Variants in PLEKHA7 observed in about 807,000 individuals in gnomAD.
The protein encoded by PLEKHA7 is pleckstrin homology domain containing A7, also known as pleckstrin homology domain-containing family A member 7.
PLEKHA7 carries 104 observed loss-of-function variants against 170.0 expected under a neutral mutation model. The ratio of observed to expected loss-of-function variants is 0.61; its 90% CI spans 0.52 to 0.72. PLEKHA7 has a LOEUF of 0.72. Ranked by LOEUF, PLEKHA7 falls within the 30% of genes least tolerant of loss-of-function variation. PLEKHA7 has a pLI of 0.00. For synonymous variants in PLEKHA7, 648 were observed against 660.8 expected, an observed-to-expected ratio of 0.98 and a Z score of 0.30; for missense variants, 1,615 against 1,671.7, an observed-to-expected ratio of 0.97 and a Z score of 0.59.
intron 3 of PLEKHA7, among the ~76,000 whole-genome samples, chr11:16,922,649 C>T (rs534588325): frequency 4.6e-5 from 7 of 152,254 alleles, no homozygotes; most frequent in South Asian, 4.1e-4. Context: ...TTTCTCCTCC[C>T]GATCTTGCCT....
chr11:16,871,831 G>C (rs999636929), intron 3 of PLEKHA7, among the ~76,000 whole-genome samples: 46 of 152,292 alleles, frequency 3.0e-4, no homozygotes, highest in African/African-American at 1.1e-3. Flanking sequence ...ATCAACAAAG[G>C]CTGCTTGGTT....
At chr11:16,973,647 C>G (rs985542912) in intron 3 of PLEKHA7, among the ~76,000 whole-genome samples, 1 of 152,116 alleles carries the variant, frequency 6.6e-6, no homozygotes, top group Non-Finnish European at 1.5e-5. Context: ...GCAGGTGAGG[C>G]CTGGGGATCA....
intron 3 of PLEKHA7, among the ~76,000 whole-genome samples, chr11:16,923,788 G>A (rs1271440273): frequency 1.3e-5 from 2 of 151,916 alleles, no homozygotes; most frequent in Admixed American, 6.6e-5. Flanking sequence ...AAACTCAGCC[G>A]CCTCTTGCAC....
chr11:16,976,652 CCCT>C (rs1363340785), intron 3 of PLEKHA7, among the ~76,000 whole-genome samples: 3 of 152,228 alleles, frequency 2.0e-5, no homozygotes, highest in Non-Finnish European at 4.4e-5. Flanking sequence ...CTGTCCCAGA[CCCT>C]CCTCTGTAAG....
At chr11:16,782,381 C>T (rs911766726) in intron 26 of PLEKHA7, among the ~76,000 whole-genome samples, 1 of 152,202 alleles carries the variant, frequency 6.6e-6, no homozygotes, top group Admixed American at 6.5e-5. Flanking sequence ...CAACCACTTT[C>T]CTGCCCCCTT....
At chr11:16,892,434 GTTT>G (rs138538328) in intron 3 of PLEKHA7, among the ~76,000 whole-genome samples, 3,491 of 108,844 alleles carry the variant, frequency 0.032, 109 homozygotes, top group African/African-American at 0.12. Context: ...GTGTGTGTGT[GTTT>G]TGTTTTGTTT....
intron 16 of PLEKHA7, 33 bp from the exon 17 acceptor site, chr11:16,801,108 T>C (rs763599705): frequency 9.5e-6 from 15 of 1,585,148 alleles, no homozygotes; most frequent in Non-Finnish European, 1.1e-5. Context: ...CGGTTCTTAG[T>C]TATCCCCTGC....
intron 13 of PLEKHA7, among the ~76,000 whole-genome samples, chr11:16,805,523 G>A (rs180763279): frequency 6.6e-6 from 1 of 152,122 alleles, no homozygotes; most frequent in Admixed American, 6.5e-5. Context: ...CAGGCACGGT[G>A]GCTCACACCT....
At chr11:16,989,618 A>G (rs1863917621) in intron 3 of PLEKHA7, among the ~76,000 whole-genome samples, 1 of 152,168 alleles carries the variant, frequency 6.6e-6, no homozygotes, top group Non-Finnish European at 1.5e-5. Flanking sequence ...TCTTTGGTTT[A>G]TCCATCTCCC....
chr11:16,823,110 T>C (rs1355559853), intron 10 of PLEKHA7, among the ~76,000 whole-genome samples: 1 of 152,152 alleles, frequency 6.6e-6, no homozygotes, highest in Non-Finnish European at 1.5e-5. Context: ...TTATCCCGCC[T>C]TAGCCTCCCA....
intron 3 of PLEKHA7, among the ~76,000 whole-genome samples, chr11:16,884,144 C>T (rs1370585618): frequency 2.0e-5 from 3 of 152,124 alleles, no homozygotes; most frequent in Non-Finnish European, 4.4e-5. Flanking sequence ...ACAGGTTTCC[C>T]TAGGACTCCC....
chr11:16,999,253 C>T (rs1353501021), intron 3 of PLEKHA7, among the ~76,000 whole-genome samples: 1 of 151,876 alleles, frequency 6.6e-6, no homozygotes, highest in Non-Finnish European at 1.5e-5. Flanking sequence ...GGAAGCCTTC[C>T]CACTTCTCAG....
At chr11:16,813,623 T>A (rs1345145061) in intron 12 of PLEKHA7, among the ~76,000 whole-genome samples, 1 of 152,158 alleles carries the variant, frequency 6.6e-6, no homozygotes, top group African/African-American at 2.4e-5. Context: ...GTGGATGCCT[T>A]GAAGAGGCAG....
At chr11:16,864,091 C>T (rs397373) in intron 4 of PLEKHA7, among the ~76,000 whole-genome samples, 13,675 of 152,124 alleles carry the variant, frequency 0.09, 755 homozygotes, top group East Asian at 0.16. Context: ...GAAGATTGTC[C>T]CCAGAAGACC....
At chr11:17,010,965 C>T (rs1386831797) in intron 3 of PLEKHA7, among the ~76,000 whole-genome samples, 2 of 152,258 alleles carry the variant, frequency 1.3e-5, no homozygotes, top group African/African-American at 4.8e-5. Flanking sequence ...TGCCACAGGG[C>T]CCTGCCTTTG....
chr11:16,986,436 G>A (rs1863730615), intron 3 of PLEKHA7, among the ~76,000 whole-genome samples: 1 of 152,128 alleles, frequency 6.6e-6, no homozygotes, highest in Admixed American at 6.5e-5. Flanking sequence ...GAAAAGTGCA[G>A]CCCCACCAGA....
intron 3 of PLEKHA7, among the ~76,000 whole-genome samples, chr11:16,980,992 A>C (rs549415366): frequency 2.5e-4 from 38 of 152,336 alleles, no homozygotes; most frequent in African/African-American, 8.4e-4. Flanking sequence ...CTCAGCACAT[A>C]GTAGGCCTTT....
intron 4 of PLEKHA7, among the ~76,000 whole-genome samples, chr11:16,867,992 C>T (rs1254228643): frequency 6.6e-6 from 1 of 152,156 alleles, no homozygotes; most frequent in Non-Finnish European, 1.5e-5. Flanking sequence ...CCACCCAGTG[C>T]TCCTCATTTT....
intron 13 of PLEKHA7, 43 bp from the exon 14 acceptor site, chr11:16,803,338 G>C: frequency 2.5e-6 from 4 of 1,573,696 alleles, no homozygotes; most frequent in Non-Finnish European, 3.5e-6. Flanking sequence ...CATGGTGTTT[G>C]AGATCAGAAC....
Sources: gnomAD v4.1 joint callset for allele counts (sites outside exome capture counted in the v4.1 genomes callset) on GRCh38, gnomAD v4.1.1 for gene constraint, MANE v1.5 for transcripts, NCBI Gene and HGNC (gene_info 2026-07-23, HGNC 2026-07-21) for gene names.